Variants in KLHL1 observed in about 807,000 individuals in gnomAD.
KLHL1 encodes the protein kelch like family member 1, also known as kelch-like protein 1.
Under a neutral mutation model 77.7 loss-of-function variants are expected in KLHL1, and 47 were observed. The ratio of observed to expected loss-of-function variants is 0.60; its 90% CI spans 0.48 to 0.77. KLHL1 has a LOEUF of 0.77. KLHL1 is among the 30% of genes least tolerant of loss of function. KLHL1 has a pLI of 0.00. For synonymous variants in KLHL1, 360 were observed against 325.2 expected, an observed-to-expected ratio of 1.11 and a Z score of -1.15; for missense variants, 925 against 910.8, an observed-to-expected ratio of 1.02 and a Z score of -0.20.
At chr13:69,812,606 T>A (rs998112606) in intron 6 of KLHL1, among the ~76,000 whole-genome samples, 2 of 151,680 alleles carry the variant, frequency 1.3e-5, no homozygotes, top group African/African-American at 2.4e-5. Flanking sequence ...GAATCTACAA[T>A]GAACTCAAAT....
At chr13:69,872,798 G>A (rs937377535) in intron 5 of KLHL1, among the ~76,000 whole-genome samples, 4 of 151,986 alleles carry the variant, frequency 2.6e-5, no homozygotes, top group African/African-American at 7.3e-5. Context: ...TTTAACAACC[G>A]GCTCTTGTGT....
intron 1 of KLHL1, among the ~76,000 whole-genome samples, chr13:69,981,941 C>CT (rs34017273): frequency 0.15 from 23,083 of 151,746 alleles, 3,739 homozygotes; most frequent in African/African-American, 0.41. Flanking sequence ...AAAATAATAA[C>CT]TTTTTTTCAG....
intron 5 of KLHL1, among the ~76,000 whole-genome samples, chr13:69,847,740 A>T (rs1180944126): frequency 2.0e-5 from 3 of 151,444 alleles, no homozygotes; most frequent in African/African-American, 7.3e-5. Flanking sequence ...ATCTTGTGCT[A>T]AAAATAAACT....
chr13:69,936,347 G>C (rs1053996457), intron 4 of KLHL1, among the ~76,000 whole-genome samples: 5 of 152,096 alleles, frequency 3.3e-5, no homozygotes, highest in African/African-American at 1.2e-4. Flanking sequence ...CCAGCACTTT[G>C]GGAGGCCAAG....
chr13:70,004,095 A>C (rs770210046), intron 1 of KLHL1, among the ~76,000 whole-genome samples: 1 of 151,824 alleles, frequency 6.6e-6, no homozygotes, highest in Non-Finnish European at 1.5e-5. Context: ...CTTTAAGGCC[A>C]ACTAATGGCT....
chr13:69,816,438 T>C lies in KLHL1; in HGVS notation c.1415-19476A>G, dbSNP rs545661332. 2.8e-3 allele frequency among the ~76,000 whole-genome samples: 428 copies of C among 151,740 alleles called. 2 individuals are homozygous for C. The highest frequency in any genetic ancestry group is 5.1e-3 in the Non-Finnish European group (346 of 67,882). On this transcript the variant is annotated intron_variant, in intron 6 of 10. Transcript: ENST00000377844. ...GCCACGCCTGGCTAATTTTTTTTTT[T>C]CCTTTAGTAGAGACGGGGTTTCACC...
intron 4 of KLHL1, among the ~76,000 whole-genome samples, chr13:69,898,916 T>C (rs954030137): frequency 6.6e-6 from 1 of 152,200 alleles, no homozygotes; most frequent in African/African-American, 2.4e-5. Flanking sequence ...ATTCAGTCTT[T>C]GGTGCTAGAG....
intron 9 of KLHL1, among the ~76,000 whole-genome samples, chr13:69,708,425 A>G (rs911105480): frequency 6.6e-6 from 1 of 151,884 alleles, no homozygotes; most frequent in South Asian, 2.1e-4. Context: ...AGCTTATGGG[A>G]TGTTTGATTC....
intron 6 of KLHL1, among the ~76,000 whole-genome samples, chr13:69,819,531 A>T (rs964549378): frequency 2.0e-5 from 3 of 152,118 alleles, no homozygotes; most frequent in African/African-American, 7.2e-5. Context: ...TGAAAGATTT[A>T]GTGCTATCTG....
intron 1 of KLHL1, among the ~76,000 whole-genome samples, chr13:70,085,504 T>C (rs1887513591): frequency 6.6e-6 from 1 of 151,600 alleles, no homozygotes. Context: ...AAATGTTTAA[T>C]TTTTTTATAT....
At chr13:70,077,258 C>A (rs1400029027) in intron 1 of KLHL1, among the ~76,000 whole-genome samples, 1 of 151,830 alleles carries the variant, frequency 6.6e-6, no homozygotes. Context: ...TACACCCATA[C>A]AAAAAGTGTA....
At chr13:70,093,916 A>G (rs781573341) in intron 1 of KLHL1, among the ~76,000 whole-genome samples, 4 of 152,180 alleles carry the variant, frequency 2.6e-5, no homozygotes, top group Non-Finnish European at 2.9e-5. Flanking sequence ...AACTTGTTTG[A>G]ATAATTAACC....
intron 1 of KLHL1, among the ~76,000 whole-genome samples, chr13:70,103,976 G>A (rs1021570072): frequency 3.3e-5 from 5 of 152,118 alleles, no homozygotes; most frequent in African/African-American, 1.2e-4. Flanking sequence ...GGGATAAAAT[G>A]ACTGCACTCT....
At chr13:70,034,921 T>C (rs1886201264) in intron 1 of KLHL1, among the ~76,000 whole-genome samples, 1 of 152,138 alleles carries the variant, frequency 6.6e-6, no homozygotes, top group South Asian at 2.1e-4. Context: ...AATAGGGTCA[T>C]GGAATTAAAA....
chr13:69,719,577 A>G lies in KLHL1; in HGVS notation c.1807T>C (p.Tyr603His). 1 of 1,608,724 alleles carries G rather than the reference A, an allele frequency of 6.2e-7. No individual in the cohort carries two copies. Residue 603 changes from tyrosine (Y) to histidine (H), a missense_variant, in exon 9 of 11, where the codon TAT becomes CAT. Tyr to His is a moderately conservative substitution (Grantham distance 83). Coordinates refer to ENST00000377844, the MANE Select transcript of KLHL1 (RefSeq NM_020866.3). The part of the protein sequence containing the change: ...VGVAALNGKL[Y>H]SVGGRDGSSC... ...CTTCCATCACGACCTCCAACTGAAT[A>G]CAACCTAAAAACACAATTGGAAAAA...
chr13:69,923,151 T>C (rs1882699490), intron 4 of KLHL1, among the ~76,000 whole-genome samples: 1 of 152,164 alleles, frequency 6.6e-6, no homozygotes, highest in African/African-American at 2.4e-5. Flanking sequence ...GTTCATCAAA[T>C]GGTAAAACAG....
intron 6 of KLHL1, among the ~76,000 whole-genome samples, chr13:69,797,334 G>A (rs1017899627): frequency 6.6e-6 from 1 of 152,062 alleles, no homozygotes; most frequent in African/African-American, 2.4e-5. Context: ...ATTTATGAAA[G>A]CCCTTTTAAA....
chr13:69,910,827 G>C (rs1168490029), intron 4 of KLHL1, among the ~76,000 whole-genome samples: 1 of 152,094 alleles, frequency 6.6e-6, no homozygotes, highest in African/African-American at 2.4e-5. Context: ...CTGATAAGAT[G>C]TTATAATTAG....
At chr13:69,781,426 G>GAAGT (rs754393927) in intron 7 of KLHL1, among the ~76,000 whole-genome samples, 10 of 151,890 alleles carry the variant, frequency 6.6e-5, no homozygotes, top group East Asian at 3.9e-4. Flanking sequence ...GCTTGACTAG[G>GAAGT]AAGTAAGTAA....
Sources: allele counts gnomAD v4.1 joint callset (sites outside exome capture counted in the v4.1 genomes callset), GRCh38; gene constraint gnomAD v4.1.1; transcripts MANE v1.5; gene names NCBI Gene and HGNC (gene_info 2026-07-23, HGNC 2026-07-21).